FSTL1: variants seen among roughly 807,000 people sequenced by gnomAD.
FSTL1 encodes follistatin-related protein 1.
A neutral mutation model predicts 45.9 loss-of-function variants in FSTL1; 24 were observed. The ratio of observed to expected loss-of-function variants is 0.52; its 90% CI spans 0.38 to 0.74. The LOEUF (loss-of-function observed/expected upper bound fraction) is 0.74. Ranked by LOEUF, FSTL1 falls within the 30% of genes least tolerant of loss-of-function variation. FSTL1 has a pLI of 0.00. For missense variants in FSTL1, 340 were observed against 381.8 expected, an observed-to-expected ratio of 0.89 and a Z score of 0.91; for synonymous variants, 120 against 137.6, an observed-to-expected ratio of 0.87 and a Z score of 0.89.
intron 2 of FSTL1, chr3:120,423,090 G>T (rs1397720601): frequency 6.6e-6 from 1 of 152,112 alleles, no homozygotes; most frequent in East Asian, 1.9e-4. Flanking sequence ...TACTCATTGC[G>T]TATTGTGTGC....
intron 2 of FSTL1, among the ~76,000 whole-genome samples, chr3:120,416,465 A>G (rs970676447): frequency 2.0e-5 from 3 of 152,216 alleles, no homozygotes; most frequent in African/African-American, 7.2e-5. Flanking sequence ...GAACAGGATC[A>G]CCAGGGAGCT....
chr3:120,413,630 G>A (rs1000651939), intron 3 of FSTL1, among the ~76,000 whole-genome samples: 10 of 152,064 alleles, frequency 6.6e-5, no homozygotes, highest in Admixed American at 2.0e-4. Context: ...GCAGAAAGAC[G>A]TGTTTCCAGG....
At position 120,416,792 on chromosome 3, in the gene FSTL1, A is replaced by C. The variant is rs1937194088; in HGVS notation, c.64-765T>G. Reference sequence around the variant, plus strand: ...CTGCCTGAAAGTAGAACTATTCTCAAATCATTTGCTAGTCAGGCATTCCCC... The same window carrying C: ...CTGCCTGAAAGTAGAACTATTCTCACATCATTTGCTAGTCAGGCATTCCCC... On this transcript the variant is annotated intron_variant, in intron 2 of 10. Coordinates refer to ENST00000295633, the MANE Select transcript of FSTL1 (RefSeq NM_007085.5). Among the ~76,000 whole-genome samples, 3 of 152,284 alleles carry C rather than the reference A, an allele frequency of 2.0e-5. No individual in the cohort carries two copies. In the South Asian group the frequency reaches 6.2e-4, roughly 32 times the overall value.
Position 120,395,691 on chromosome 3 carries a change from G to GA in FSTL1, c.*1260dup, listed in dbSNP as rs1235168616. On this transcript the variant is annotated 3_prime_UTR_variant, in exon 11 of 11. Coordinates refer to ENST00000295633, the MANE Select transcript of FSTL1 (RefSeq NM_007085.5). ...TTTCATTTATTCTATAGAGAAGAAG[G>GA]AAAAATCACAGGAACCTATCTCCCC... 3 of 534,268 alleles carry GA rather than the reference G, an allele frequency of 5.6e-6. No individual in the cohort carries two copies. Among genetic ancestry groups the GA allele is most frequent in the Admixed American group, 1.9e-5 (1 of 51,474 alleles). The allele number at this position is 534,268 out of a possible 1,614,324, so 33.1% of individuals were successfully genotyped here. A position where few individuals can be genotyped will look rare whatever the true frequency, so the allele number is the denominator to read the frequency against.
At chr3:120,416,851 G>A (rs912498512) in intron 2 of FSTL1, among the ~76,000 whole-genome samples, 1 of 152,216 alleles carries the variant, frequency 6.6e-6, no homozygotes, top group African/African-American at 2.4e-5. Flanking sequence ...TGACAAGGCA[G>A]GGAATGGTCT....
intron 2 of FSTL1, 66 bp from the exon 3 acceptor site, chr3:120,416,093 A>C: frequency 8.9e-7 from 1 of 1,124,274 alleles, no homozygotes. Context: ...TGAGCCCATA[A>C]TGAGATTATC....
intron 2 of FSTL1, among the ~76,000 whole-genome samples, chr3:120,424,550 A>G (rs1384596467): frequency 3.3e-5 from 5 of 152,180 alleles, no homozygotes; most frequent in Non-Finnish European, 7.3e-5. Flanking sequence ...ACATTTGAAC[A>G]GTGGCACATG....
chr3:120,439,732 G>A (rs962789988), intron 2 of FSTL1, among the ~76,000 whole-genome samples: 1 of 152,188 alleles, frequency 6.6e-6, no homozygotes, highest in African/African-American at 2.4e-5. Context: ...TAGCAACTCT[G>A]CTGGCGTTTT....
rs570068491 is a variant in FSTL1, at chr3:120,404,350, A to G, written c.581+503T>C. On this transcript the variant is annotated intron_variant, in intron 7 of 10. Transcript: ENST00000295633. ...TAATTCTTACCGATGTGCTGAAACC[A>G]CATCAAAAGTTTCTTAGCGATTAGT... 1.3e-4 allele frequency among the ~76,000 whole-genome samples: 20 copies of G among 152,356 alleles called. No homozygotes were observed. In the South Asian group the frequency reaches 2.7e-3, roughly 20 times the overall value.
At chr3:120,442,344 C>T (rs1331407494) in intron 2 of FSTL1, among the ~76,000 whole-genome samples, 1 of 152,122 alleles carries the variant, frequency 6.6e-6, no homozygotes, top group Non-Finnish European at 1.5e-5. Context: ...TCGCTCTTAA[C>T]TGAAGATACA....
At chr3:120,403,042 T>C in intron 8 of FSTL1, 124 bp from the exon 9 acceptor site, 1 of 751,610 alleles carries the variant, frequency 1.3e-6, no homozygotes, top group Non-Finnish European at 2.4e-6. Flanking sequence ...AGAAGCACTA[T>C]ATCTGAGCAA....
chr3:120,448,471 A>G (rs1012753153), intron 2 of FSTL1, among the ~76,000 whole-genome samples: 2 of 152,346 alleles, frequency 1.3e-5, no homozygotes. Flanking sequence ...TAAATGGATT[A>G]AAAACTTGCC....
At chr3:120,412,801 G>T (rs1937083695) in intron 3 of FSTL1, among the ~76,000 whole-genome samples, 1 of 149,162 alleles carries the variant, frequency 6.7e-6, no homozygotes. Flanking sequence ...TAGGCAGGCA[G>T]GCAAACACAC....
intron 2 of FSTL1, among the ~76,000 whole-genome samples, chr3:120,442,890 C>T (rs530842689): frequency 1.1e-4 from 13 of 118,550 alleles, no homozygotes; most frequent in Middle Eastern, 5.9e-3. Flanking sequence ...ACCCCCAGAA[C>T]GGTCACAAGG....
chr3:120,429,490 C>T (rs113388699), intron 2 of FSTL1, among the ~76,000 whole-genome samples: 46 of 152,276 alleles, frequency 3.0e-4, no homozygotes, highest in African/African-American at 1.1e-3. Context: ...TACTAGGCTG[C>T]CTATGGGATG....
At position 120,407,733 on chromosome 3, in the gene FSTL1, G is replaced by A. The variant is rs1453657193; in HGVS notation, c.462+1799C>T. The stretch of plus-strand genomic sequence containing the variant: ...TGATAATCATCAAAAAGTAGAAAAT[G>A]AAACCTGTTTTCTCCTGTTAGACAC... On this transcript the variant is annotated intron_variant, in intron 6 of 10. Transcript: ENST00000295633. 2.2e-4 allele frequency among the ~76,000 whole-genome samples: 34 copies of A among 152,312 alleles called. 1 individual carries two copies. The highest frequency in any genetic ancestry group is 2.2e-3 in the Admixed American group (34 of 15,304).
intron 2 of FSTL1, among the ~76,000 whole-genome samples, chr3:120,440,898 G>C (rs887158699): frequency 6.6e-6 from 1 of 152,190 alleles, no homozygotes; most frequent in Non-Finnish European, 1.5e-5. Flanking sequence ...GCAACATAAG[G>C]AGTGGTACAG....
At position 120,394,125 on chromosome 3, in the gene FSTL1, C is replaced by G. The variant is rs189989506; in HGVS notation, c.*2827G>C. On this transcript the variant is annotated 3_prime_UTR_variant, in exon 11 of 11. Coordinates refer to ENST00000295633, the MANE Select transcript of FSTL1 (RefSeq NM_007085.5). ...CAAAGAAACTTGTTCTACCAGTCCCCGAGTAAACTTTCCATCCAAGCTGTA... is the reference window on the plus strand; with the variant it reads ...CAAAGAAACTTGTTCTACCAGTCCCGGAGTAAACTTTCCATCCAAGCTGTA... The G allele has an allele frequency of 4.1e-4, 62 of 152,318 alleles. 1 individual carries two copies. The highest frequency in any genetic ancestry group is 1.4e-3 in the African/African-American group (59 of 41,576). 9.4% of individuals were successfully genotyped at this position (152,318 alleles called of 1,614,324 possible).
rs192040263 is a variant in FSTL1 at position 120,409,759 on chromosome 3, G to A, written c.332-97C>T. Reference sequence around the variant, plus strand: ...TGGGAGCATCCGTGCCCATGGTTCTGCATATGTCATCCCAGCAACACAGGG... The same window carrying A: ...TGGGAGCATCCGTGCCCATGGTTCTACATATGTCATCCCAGCAACACAGGG... On this transcript the variant is annotated intron_variant, in intron 5 of 10. Coordinates refer to ENST00000295633, the MANE Select transcript of FSTL1 (RefSeq NM_007085.5). The A allele has an allele frequency of 8.8e-4, 985 of 1,113,194 alleles. 6 individuals are homozygous for A. The highest frequency in any genetic ancestry group is 2.7e-4 in the Non-Finnish European group (202 of 752,538). 69.0% of individuals were successfully genotyped at this position (1,113,194 alleles called of 1,614,324 possible). A position where few individuals can be genotyped will look rare whatever the true frequency, so the allele number is the denominator to read the frequency against.
Sources: gnomAD v4.1 joint callset for allele counts (sites outside exome capture counted in the v4.1 genomes callset) on GRCh38, gnomAD v4.1.1 for gene constraint, MANE v1.5 for transcripts, NCBI Gene and HGNC (gene_info 2026-07-23, HGNC 2026-07-21) for gene names.